Variants in BORCS5 observed in about 807,000 individuals in gnomAD.
BORCS5 encodes BLOC-1 related complex subunit 5.
In BORCS5, 17 loss-of-function variants were observed where a neutral mutation model predicts 22.1. The ratio of observed to expected loss-of-function variants is 0.77; its 90% CI spans 0.53 to 1.15. BORCS5 has a LOEUF of 1.15. Among genes scored for constraint, BORCS5 ranks in the 50% most tolerant of loss-of-function variants. The pLI is 0.00. For synonymous variants in BORCS5, 117 were observed against 99.8 expected, an observed-to-expected ratio of 1.17 and a Z score of -1.03; for missense variants, 247 against 253.2, an observed-to-expected ratio of 0.98 and a Z score of 0.17.
chr12:12,391,574 G>A (rs111579003), intron 2 of BORCS5, among the ~76,000 whole-genome samples: 2,778 of 151,214 alleles, frequency 0.018, 51 homozygotes, highest in South Asian at 0.031. Flanking sequence ...TTTTAGTAGA[G>A]ACAGGGTTTC....
At chr12:12,432,961 A>G (rs1942464470) in intron 2 of BORCS5, among the ~76,000 whole-genome samples, 1 of 152,214 alleles carries the variant, frequency 6.6e-6, no homozygotes, top group Admixed American at 6.5e-5. Flanking sequence ...ACTTTTCAGC[A>G]TCTGACCATG....
chr12:12,404,326 G>A (rs1941546026), intron 2 of BORCS5, among the ~76,000 whole-genome samples: 1 of 151,604 alleles, frequency 6.6e-6, no homozygotes, highest in South Asian at 2.1e-4. Flanking sequence ...ATAAAGAACA[G>A]AAATTTATTT....
chr12:12,463,917 G>A (rs372980004), intron 3 of BORCS5, among the ~76,000 whole-genome samples: 3 of 152,140 alleles, frequency 2.0e-5, no homozygotes, highest in East Asian at 3.9e-4. Flanking sequence ...GTAGGGTTGC[G>A]GGGTGGAGGG....
At chr12:12,407,303 TTC>T (rs1300301643) in intron 2 of BORCS5, among the ~76,000 whole-genome samples, 1 of 152,194 alleles carries the variant, frequency 6.6e-6, no homozygotes, top group East Asian at 1.9e-4. Context: ...CCTGGTTCAA[TTC>T]TCTCCATTTT....
intron 2 of BORCS5, among the ~76,000 whole-genome samples, chr12:12,374,578 G>A (rs960332911): frequency 2.4e-4 from 36 of 152,066 alleles, no homozygotes; most frequent in African/African-American, 8.7e-4. Flanking sequence ...AGGTCGAGCG[G>A]TGTTCATAGC....
rs147122690 is a variant in BORCS5 at position 12,435,705 on chromosome 12, C to G, written c.280C>G (p.Leu94Val). ...LDSQQVLQLC[L>V]RYQDHLHQCA... The stretch of plus-strand genomic sequence containing the variant: ...CTCTCAGCAGGTGTTGCAGCTCTGC[C>G]TCCGATATCAAGATCACCTGCATCA... Residue 94 changes from leucine (L) to valine (V), a missense_variant, in exon 3 of 4, where the codon CTC (leucine) becomes GTC (valine). By Grantham distance (32) the Leu-to-Val change is conservative (BLOSUM62 1). Coordinates refer to ENST00000314565, the MANE Select transcript of BORCS5 (RefSeq NM_058169.6). The G allele has an allele frequency of 3.7e-6, 6 of 1,613,902 alleles. No individual in the cohort carries two copies. The African/African-American group carries it at 8.0e-5, about 22-fold the overall frequency.
intron 2 of BORCS5, among the ~76,000 whole-genome samples, chr12:12,368,710 C>T (rs1181829176): frequency 2.6e-5 from 4 of 151,946 alleles, no homozygotes; most frequent in African/African-American, 9.7e-5. Flanking sequence ...TCCCAGAGCA[C>T]TGAGATTACA....
At chr12:12,458,175 C>T (rs1378213796) in intron 3 of BORCS5, among the ~76,000 whole-genome samples, 1 of 152,204 alleles carries the variant, frequency 6.6e-6, no homozygotes, top group Non-Finnish European at 1.5e-5. Context: ...TCTTGCTTAA[C>T]AGTGCCCAAG....
intron 2 of BORCS5, among the ~76,000 whole-genome samples, chr12:12,374,114 A>T (rs1040288879): frequency 6.7e-6 from 1 of 148,578 alleles, no homozygotes; most frequent in African/African-American, 2.5e-5. Flanking sequence ...TAGCCTCCCG[A>T]GTAGCTGGGA....
At chr12:12,461,262 G>T (rs1943099221) in intron 3 of BORCS5, among the ~76,000 whole-genome samples, 1 of 150,980 alleles carries the variant, frequency 6.6e-6, no homozygotes, top group Admixed American at 6.6e-5. Flanking sequence ...TGGACCTCCT[G>T]AGAGCAAGCA....
intron 2 of BORCS5, among the ~76,000 whole-genome samples, chr12:12,410,223 G>C (rs1170075651): frequency 6.8e-6 from 1 of 146,298 alleles, no homozygotes; most frequent in Admixed American, 6.9e-5. Context: ...AGAAGCTCTT[G>C]AGTTTAATTA....
chr12:12,441,162 G>C (rs894671934), intron 3 of BORCS5, among the ~76,000 whole-genome samples: 6 of 152,190 alleles, frequency 3.9e-5, no homozygotes, highest in Admixed American at 6.5e-5. Flanking sequence ...ACACCCAGCA[G>C]CTTGTATCCT....
rs998723474 is a variant in BORCS5 at position 12,423,293 on chromosome 12, A to C, written c.203-12335A>C. 7.5e-4 allele frequency among the ~76,000 whole-genome samples: 114 copies of C among 152,120 alleles called. 1 individual carries two copies. Among genetic ancestry groups the C allele is most frequent in the African/African-American group, 2.7e-3 (113 of 41,516 alleles). On this transcript the variant is annotated intron_variant, in intron 2 of 3. Transcript: ENST00000314565. ...CTGGGATTACAGGCATGAACAGTAC[A>C]TGGGCTTTTATAATTTGCCATATAT...
intron 2 of BORCS5, among the ~76,000 whole-genome samples, chr12:12,426,683 A>G (rs987232599): frequency 2.6e-5 from 4 of 152,230 alleles, no homozygotes; most frequent in Admixed American, 6.5e-5. Context: ...TCAAAATCCT[A>G]TTGTGTGCTA....
At chr12:12,414,353 T>C (rs1941851565) in intron 2 of BORCS5, among the ~76,000 whole-genome samples, 1 of 93,854 alleles carries the variant, frequency 1.1e-5, no homozygotes, top group Admixed American at 9.6e-5. Context: ...CCCACCTCCC[T>C]CCCGGACGGG....
chr12:12,389,378 TC>T (rs1226014544), intron 2 of BORCS5, among the ~76,000 whole-genome samples: 2 of 150,992 alleles, frequency 1.3e-5, no homozygotes, highest in Non-Finnish European at 3.0e-5. Flanking sequence ...CCTTAGGTGA[TC>T]CACCCGCCTT....
chr12:12,438,896 T>C (rs1942622345), intron 3 of BORCS5, among the ~76,000 whole-genome samples: 1 of 152,168 alleles, frequency 6.6e-6, no homozygotes, highest in Non-Finnish European at 1.5e-5. Context: ...TGGAGGAAAG[T>C]CACAGAAATA....
At chr12:12,378,050 T>C (rs1436502592) in intron 2 of BORCS5, among the ~76,000 whole-genome samples, 1 of 152,174 alleles carries the variant, frequency 6.6e-6, no homozygotes, top group African/African-American at 2.4e-5. Flanking sequence ...AGATGATTGC[T>C]CTTTGATTTT....
chr12:12,426,533 A>C (rs1942292489), intron 2 of BORCS5, among the ~76,000 whole-genome samples: 2 of 152,218 alleles, frequency 1.3e-5, no homozygotes, highest in African/African-American at 4.8e-5. Flanking sequence ...TTGGTACCAT[A>C]AATTAGGGCC....
Sources: gnomAD v4.1 joint callset for allele counts (sites outside exome capture counted in the v4.1 genomes callset) on GRCh38, gnomAD v4.1.1 for gene constraint, MANE v1.5 for transcripts, NCBI Gene and HGNC (gene_info 2026-07-23, HGNC 2026-07-21) for gene names.